Variants in PTPRN2 observed in about 807,000 individuals in gnomAD.
PTPRN2 encodes the protein protein tyrosine phosphatase receptor type N2.
In PTPRN2, 74 loss-of-function variants were observed where a neutral mutation model predicts 118.8. That is an observed-to-expected ratio of 0.62 (90% confidence interval 0.52 to 0.76). The LOEUF (loss-of-function observed/expected upper bound fraction) is 0.76, where lower values mean the gene tolerates loss of function less well. PTPRN2 is among the 30% of genes least tolerant of loss of function. PTPRN2 has a pLI of 0.00. For missense variants in PTPRN2, 1,481 were observed against 1,394.4 expected, an observed-to-expected ratio of 1.06 and a Z score of -0.99; for synonymous variants, 641 against 608.0, an observed-to-expected ratio of 1.05 and a Z score of -0.80.
chr7:158,386,214 T>C lies in PTPRN2; in HGVS notation c.164-69282A>G, dbSNP rs867208967. Among the ~76,000 whole-genome samples the C allele has an allele frequency of 3.1e-3, 320 of 103,260 alleles. 1 individual carries two copies. The highest frequency in any genetic ancestry group is 0.013 in the African/African-American group (285 of 22,538). 67.7% of individuals were successfully genotyped at this position (103,260 alleles called of 152,430 possible). ...CTCCCGTGCCCCGAGTCCCTCCTCC[T>C]GTGCTCTGAGTCCCTATTTCTGTGC... On this transcript the variant is annotated intron_variant, in intron 2 of 22. Transcript: ENST00000389418.
At chr7:158,419,065 A>C (rs1270515333) in intron 2 of PTPRN2, among the ~76,000 whole-genome samples, 4 of 152,256 alleles carry the variant, frequency 2.6e-5, no homozygotes, top group Non-Finnish European at 4.4e-5. Context: ...GCAATGAGGT[A>C]CAACCTGGTA....
In PTPRN2 at chr7:157,903,647, C is replaced by CTTT. The variant is rs34261156; in HGVS notation, c.1724-4913_1724-4911dup. 6.8e-6 allele frequency among the ~76,000 whole-genome samples: 1 copy of CTTT among 146,388 alleles called. No individual in the cohort carries two copies. Among genetic ancestry groups the CTTT allele is most frequent in the African/African-American group, 2.5e-5 (1 of 39,842 alleles). Reference sequence around the variant, plus strand: ...ATTAGTGTTTGGTTTTTTCTTTTTCCTTTTTTTTTTTTATACTAAAAGGTT... The same window carrying CTTT: ...ATTAGTGTTTGGTTTTTTCTTTTTCCTTTTTTTTTTTTTTTATACTAAAAGGTT... On this transcript the variant is annotated intron_variant, in intron 11 of 22. Coordinates refer to ENST00000389418, the MANE Select transcript of PTPRN2 (RefSeq NM_002847.5). This position sits in a 1 kb window ranked among gnomAD's most constrained non-coding sequence, Gnocchi z 4.2.
intron 12 of PTPRN2, among the ~76,000 whole-genome samples, chr7:157,749,781 TGAG>T (rs1437982890): frequency 6.9e-6 from 1 of 144,640 alleles, no homozygotes; most frequent in Non-Finnish European, 1.5e-5. Flanking sequence ...TGGGTGATTC[TGAG>T]GCCTGCGTCC....
At chr7:158,564,120 C>G (rs1468090237) in intron 1 of PTPRN2, among the ~76,000 whole-genome samples, 1 of 152,216 alleles carries the variant, frequency 6.6e-6, no homozygotes, top group Non-Finnish European at 1.5e-5. Flanking sequence ...AATCACAGGT[C>G]TAGGGACTGT....
chr7:157,781,156 C>T (rs758388894), intron 12 of PTPRN2, among the ~76,000 whole-genome samples: 3 of 152,242 alleles, frequency 2.0e-5, no homozygotes, highest in Non-Finnish European at 4.4e-5. Flanking sequence ...TGCCCTGCCA[C>T]AGCCCTGACC....
chr7:157,673,101 G>A (rs1006038725), intron 13 of PTPRN2, among the ~76,000 whole-genome samples: 52 of 152,020 alleles, frequency 3.4e-4, no homozygotes, highest in African/African-American at 1.1e-3. Context: ...TCGGCTCACC[G>A]CAACGTCTGC....
chr7:158,240,050 G>A (rs1235400222), intron 3 of PTPRN2, among the ~76,000 whole-genome samples: 3 of 152,134 alleles, frequency 2.0e-5, no homozygotes, highest in Non-Finnish European at 4.4e-5. Context: ...GGAGAGAGAG[G>A]GAGAAAAATA....
intron 13 of PTPRN2, among the ~76,000 whole-genome samples, chr7:157,682,374 G>A (rs1387905431): frequency 6.6e-6 from 1 of 152,168 alleles, no homozygotes. Context: ...ACACCTACAC[G>A]CCAAATGATC....
chr7:158,219,045 G>A (rs947697456), intron 3 of PTPRN2, among the ~76,000 whole-genome samples: 1 of 151,924 alleles, frequency 6.6e-6, no homozygotes, highest in Non-Finnish European at 1.5e-5. Context: ...AAGATATTCT[G>A]GACTCAAACT....
In PTPRN2 at chr7:158,557,023, C is replaced by T. The variant is rs548032453; in HGVS notation, c.112+30535G>A. 5.8e-5 allele frequency among the ~76,000 whole-genome samples: 7 copies of T among 121,130 alleles called. No homozygotes were observed. In the South Asian group the frequency reaches 8.5e-4, roughly 15 times the overall value. The allele number at this position is 121,130 out of a possible 152,430, so 79.5% of individuals were successfully genotyped here. ...GTCGCTCCCACGCAGGTCGCTCCCA[C>T]GCAGGTCAGAGGGCTCCCGCGCAGG... On this transcript the variant is annotated intron_variant, in intron 1 of 22. Coordinates refer to ENST00000389418, the MANE Select transcript of PTPRN2 (RefSeq NM_002847.5).
At chr7:158,340,868 C>A (rs1476836108) in intron 2 of PTPRN2, among the ~76,000 whole-genome samples, 1 of 91,582 alleles carries the variant, frequency 1.1e-5, no homozygotes, top group Non-Finnish European at 2.4e-5. Context: ...AGACGTCACT[C>A]ACACCCACAC....
In PTPRN2 at chr7:158,019,517, G is replaced by GT. The variant is rs200086723; in HGVS notation, c.1723+61780dup. On this transcript the variant is annotated intron_variant, in intron 11 of 22. Transcript: ENST00000389418. ...TGCCCACAAGGCCTCGTGATTAACT[G>GT]TTTTTTATTTGTGCAATTACTTCTT... Among the ~76,000 whole-genome samples, 1,215 of 152,250 alleles carry GT rather than the reference G, an allele frequency of 8.0e-3. 12 individuals carry two copies. The highest frequency in any genetic ancestry group is 0.028 in the African/African-American group (1,170 of 41,562).
intron 9 of PTPRN2, among the ~76,000 whole-genome samples, chr7:158,113,455 C>T (rs1417750363): frequency 6.6e-6 from 1 of 152,124 alleles, no homozygotes; most frequent in Non-Finnish European, 1.5e-5. Context: ...GCTGTGTGTG[C>T]CCAGAGCAGG....
In PTPRN2 at chr7:157,992,029, C is replaced by T. The variant is rs562071694; in HGVS notation, c.1723+89269G>A. On this transcript the variant is annotated intron_variant, in intron 11 of 22. Coordinates refer to ENST00000389418, the MANE Select transcript of PTPRN2 (RefSeq NM_002847.5). ...GCTCCAGCCAGTATTTGAGAACAGA[C>T]GCCTGAGTGCCGGGACTCGGCCCAC... 1.2e-3 allele frequency among the ~76,000 whole-genome samples: 177 copies of T among 152,338 alleles called. 2 individuals carry two copies. Among genetic ancestry groups the T allele is most frequent in the African/African-American group, 4.1e-3 (171 of 41,576 alleles).
intron 12 of PTPRN2, among the ~76,000 whole-genome samples, chr7:157,723,841 C>T (rs1413155052): frequency 1.3e-5 from 2 of 152,330 alleles, no homozygotes; most frequent in Non-Finnish European, 2.9e-5. Context: ...CCATCCAATT[C>T]CCGCTCATAC....
chr7:157,883,005 T>A (rs1324430866), intron 12 of PTPRN2, among the ~76,000 whole-genome samples: 1 of 149,282 alleles, frequency 6.7e-6, no homozygotes, highest in Admixed American at 6.7e-5. Flanking sequence ...AAAATGACTG[T>A]CAGAGAACAG....
intron 11 of PTPRN2, among the ~76,000 whole-genome samples, chr7:158,054,950 G>C (rs189115774): frequency 6.6e-6 from 1 of 152,126 alleles, no homozygotes; most frequent in South Asian, 2.1e-4. Context: ...CCCATCCTTC[G>C]TGCTCTGCCC....
intron 20 of PTPRN2, among the ~76,000 whole-genome samples, chr7:157,571,237 G>C (rs1447047693): frequency 6.7e-6 from 1 of 148,862 alleles, no homozygotes; most frequent in Non-Finnish European, 1.5e-5. Context: ...GCCATGTGCA[G>C]TTTATACAGA....
At chr7:158,164,810 A>T (rs967300477) in intron 6 of PTPRN2, among the ~76,000 whole-genome samples, 8 of 152,138 alleles carry the variant, frequency 5.3e-5, no homozygotes, top group African/African-American at 9.6e-5. Context: ...GGGAGAATGC[A>T]GGTAGAGGGG....
Sources: allele counts gnomAD v4.1 joint callset (sites outside exome capture counted in the v4.1 genomes callset), GRCh38; gene constraint gnomAD v4.1.1; non-coding constraint Gnocchi (gnomAD v3.1); transcripts MANE v1.5; gene names NCBI Gene and HGNC (gene_info 2026-07-23, HGNC 2026-07-21).